The following TTC28 variants were observed in gnomAD, a reference collection of about 807,000 sequenced individuals.
The protein encoded by TTC28 is tetratricopeptide repeat protein 28.
Under a neutral mutation model 198.0 loss-of-function variants are expected in TTC28, and 61 were observed. That is an observed-to-expected ratio of 0.31 (90% CI 0.25 to 0.38). The LOEUF (loss-of-function observed/expected upper bound fraction) is 0.38. Among genes scored for constraint, TTC28 ranks in the 10% least tolerant of loss-of-function variants. The probability of loss-of-function intolerance (pLI) is 1.00; values close to 1 mark genes in which losing one functional copy is unlikely to be tolerated. For synonymous variants in TTC28, 1,171 were observed against 1,297.8 expected (o/e 0.90, Z 2.10); for missense variants, 2,678 against 3,164.0 (o/e 0.85, Z 3.69).
intron 13 of TTC28, among the ~76,000 whole-genome samples, chr22:28,020,787 A>ACACG (rs1938561514): frequency 6.6e-6 from 1 of 151,694 alleles, no homozygotes; most frequent in Admixed American, 6.6e-5. Flanking sequence ...CAACACACAC[A>ACACG]CACACACACA....
chr22:28,192,250 A>G (rs913945622), intron 5 of TTC28, among the ~76,000 whole-genome samples: 25 of 152,188 alleles, frequency 1.6e-4, no homozygotes, highest in African/African-American at 5.8e-4. Context: ...AAGGAAAACT[A>G]ACAAACGGAA....
chr22:28,573,953 T>C (rs778894966), intron 2 of TTC28, among the ~76,000 whole-genome samples: 38 of 152,276 alleles, frequency 2.5e-4, no homozygotes, highest in Non-Finnish European at 4.4e-4. Flanking sequence ...AGATGCAAAG[T>C]GTGTCTTTGT....
intron 2 of TTC28, among the ~76,000 whole-genome samples, chr22:28,586,978 T>C (rs543802348): frequency 6.6e-6 from 1 of 152,130 alleles, no homozygotes; most frequent in South Asian, 2.1e-4. Context: ...TCTCAGCACT[T>C]TGGGAGGCCA....
At chr22:28,142,902 G>C (rs1943375804) in intron 6 of TTC28, among the ~76,000 whole-genome samples, 1 of 152,140 alleles carries the variant, frequency 6.6e-6, no homozygotes. Context: ...CCTGAATGTT[G>C]ACATAAATTA....
At chr22:28,176,264 C>T (rs1923157858) in intron 5 of TTC28, among the ~76,000 whole-genome samples, 1 of 151,982 alleles carries the variant, frequency 6.6e-6, no homozygotes, top group African/African-American at 2.4e-5. Context: ...TTTGTGACAA[C>T]ATGTTCGAAC....
intron 5 of TTC28, among the ~76,000 whole-genome samples, chr22:28,177,508 T>C (rs371770937): frequency 1.3e-5 from 2 of 152,258 alleles, no homozygotes; most frequent in East Asian, 1.9e-4. Flanking sequence ...CTCCCATGTA[T>C]TAACTCAAAT....
chr22:28,122,017 G>A (rs953599383), intron 6 of TTC28, among the ~76,000 whole-genome samples: 5 of 152,054 alleles, frequency 3.3e-5, no homozygotes, highest in South Asian at 2.1e-4. Context: ...ACAGGAGCAC[G>A]CCACCACGCC....
chr22:28,211,101 C>T (rs572599932), intron 5 of TTC28, among the ~76,000 whole-genome samples: 1 of 152,080 alleles, frequency 6.6e-6, no homozygotes, highest in African/African-American at 2.4e-5. Flanking sequence ...TTGTCACCAC[C>T]AGGCCTGCCC....
intron 2 of TTC28, among the ~76,000 whole-genome samples, chr22:28,375,022 AG>A (rs1601708792): frequency 6.6e-6 from 1 of 151,844 alleles, no homozygotes; most frequent in Non-Finnish European, 1.5e-5. Context: ...CAAGACTTCC[AG>A]GATGTAGTGA....
At chr22:28,169,217 T>C (rs1019467666) in intron 5 of TTC28, among the ~76,000 whole-genome samples, 3 of 152,218 alleles carry the variant, frequency 2.0e-5, no homozygotes, top group African/African-American at 7.2e-5. Context: ...ACTTTTACAC[T>C]GTTGGTGGGA....
intron 1 of TTC28, among the ~76,000 whole-genome samples, chr22:28,656,271 T>C (rs1020379216): frequency 1.3e-5 from 2 of 152,126 alleles, no homozygotes; most frequent in Non-Finnish European, 2.9e-5. Context: ...ATAAAACTGG[T>C]CCTCAAATGT....
At chr22:28,219,090 A>T (rs919323750) in intron 5 of TTC28, among the ~76,000 whole-genome samples, 7 of 152,206 alleles carry the variant, frequency 4.6e-5, no homozygotes, top group African/African-American at 1.2e-4. Flanking sequence ...GATGTCATGG[A>T]AAGACATTTT....
Position 28,651,311 on chromosome 22 carries a change from C to CTTTTTTTTTTTTTTTTTTTT in TTC28, c.103-21482_103-21481insAAAAAAAAAAAAAAAAAAAA, listed in dbSNP as rs111469498. 5.4e-5 allele frequency among the ~76,000 whole-genome samples: 8 copies of CTTTTTTTTTTTTTTTTTTTT among 147,456 alleles called. 2 individuals carry two copies. The highest frequency in any genetic ancestry group is 7.5e-5 in the Non-Finnish European group (5 of 66,952). On this transcript the variant is annotated intron_variant, in intron 1 of 22. Transcript: ENST00000397906. ...ACTGCACCCAGTCACTCTGTCACTCCTTTTTTTTGAGACAGGGTCTTGCTG... is the reference window on the plus strand; with the variant it reads ...ACTGCACCCAGTCACTCTGTCACTCCTTTTTTTTTTTTTTTTTTTTTTTTTTTTGAGACAGGGTCTTGCTG...
At chr22:28,006,022 C>G (rs758221582) in intron 14 of TTC28, among the ~76,000 whole-genome samples, 1 of 152,086 alleles carries the variant, frequency 6.6e-6, no homozygotes, top group Non-Finnish European at 1.5e-5. Flanking sequence ...CCAGATGGAC[C>G]CAGAGGATGA....
intron 1 of TTC28, among the ~76,000 whole-genome samples, chr22:28,654,093 T>C (rs1224532186): frequency 6.6e-6 from 1 of 152,194 alleles, no homozygotes; most frequent in East Asian, 1.9e-4. Context: ...AGGGATTGGC[T>C]AGATAAGCTA....
chr22:28,192,349 C>T (rs751606722), intron 5 of TTC28, among the ~76,000 whole-genome samples: 4 of 152,128 alleles, frequency 2.6e-5, no homozygotes, highest in Non-Finnish European at 4.4e-5. Context: ...AAAAAAAGAG[C>T]AGAAGAACTG....
At chr22:28,220,609 C>T (rs1331929728) in intron 5 of TTC28, among the ~76,000 whole-genome samples, 1 of 152,160 alleles carries the variant, frequency 6.6e-6, no homozygotes, top group Non-Finnish European at 1.5e-5. Context: ...TAGCTACTTG[C>T]TACCTCATAG....
chr22:28,422,109 T>C (rs974912659), intron 2 of TTC28, among the ~76,000 whole-genome samples: 3 of 152,138 alleles, frequency 2.0e-5, no homozygotes, highest in African/African-American at 7.2e-5. Flanking sequence ...TAAATGAATA[T>C]AAGTATCTCT....
chr22:28,308,211 T>C (rs953938169), intron 2 of TTC28, among the ~76,000 whole-genome samples: 1 of 152,212 alleles, frequency 6.6e-6, no homozygotes, highest in Non-Finnish European at 1.5e-5. Flanking sequence ...CAGCCACTGT[T>C]TAAATCTTTA....
Sources: gnomAD v4.1 joint callset for allele counts (sites outside exome capture counted in the v4.1 genomes callset) on GRCh38, gnomAD v4.1.1 for gene constraint, MANE v1.5 for transcripts, NCBI Gene and HGNC (gene_info 2026-07-23, HGNC 2026-07-21) for gene names.